DYRK1A: variants seen among roughly 807,000 people sequenced by gnomAD.
The protein encoded by DYRK1A is dual specificity tyrosine-phosphorylation-regulated kinase 1A.
DYRK1A carries 9 observed loss-of-function variants against 79.7 expected under a neutral mutation model. That is an observed-to-expected ratio of 0.11 (90% CI 0.07 to 0.20). The LOEUF (loss-of-function observed/expected upper bound fraction) is 0.20. DYRK1A is among the 10% of genes least tolerant of loss of function. The pLI, the probability that DYRK1A is intolerant of heterozygous loss-of-function variation, is 1.00. For synonymous variants in DYRK1A, 349 were observed against 329.7 expected, an observed-to-expected ratio of 1.06 and a Z score of -0.63; for missense variants, 622 against 956.0, an observed-to-expected ratio of 0.65 and a Z score of 4.61.
At chr21:37,385,357 C>G (rs1164823930) in intron 1 of DYRK1A, among the ~76,000 whole-genome samples, 4 of 152,076 alleles carry the variant, frequency 2.6e-5, no homozygotes, top group Non-Finnish European at 5.9e-5. Flanking sequence ...GAGACTTAAC[C>G]ACAGAAAGAT....
rs191845272 is a variant in DYRK1A, at chr21:37,449,039, T to C, written c.11-23645T>C. Among the ~76,000 whole-genome samples the C allele has an allele frequency of 8.7e-4, 132 of 152,296 alleles. 1 individual carries two copies. The highest frequency in any genetic ancestry group is 2.8e-3 in the African/African-American group (116 of 41,558). On this transcript the variant is annotated intron_variant, in intron 2 of 11. Transcript: ENST00000647188. ...TTGATTTGAAGAGTCATATCATTTT[T>C]CCCCTGCTTTACTTTTGTACCTCTT...
intron 2 of DYRK1A, among the ~76,000 whole-genome samples, chr21:37,428,607 A>T (rs1162961752): frequency 2.0e-5 from 3 of 152,130 alleles, no homozygotes; most frequent in Non-Finnish European, 1.5e-5. Flanking sequence ...TTTGAATTGT[A>T]GATTCAAAGT....
intron 2 of DYRK1A, among the ~76,000 whole-genome samples, chr21:37,435,799 GTGT>G (rs1363227271): frequency 6.6e-6 from 1 of 152,164 alleles, no homozygotes; most frequent in African/African-American, 2.4e-5. Context: ...TGTACTGCCT[GTGT>G]AGTCTAGCAA....
intron 9 of DYRK1A, among the ~76,000 whole-genome samples, chr21:37,500,685 G>T (rs917614441): frequency 1.3e-5 from 2 of 151,808 alleles, no homozygotes; most frequent in African/African-American, 2.4e-5. Context: ...GTTAGTTTTG[G>T]TAAGTTGTAT....
At position 37,424,861 on chromosome 21, in the gene DYRK1A, A is replaced by G. The variant is rs16995086; in HGVS notation, c.10+4477A>G. On this transcript the variant is annotated intron_variant, in intron 2 of 11. Transcript: ENST00000647188. ...GCAACTTTTCAGAAAGCTGTTTGGT[A>G]ATATGTACCACTCTGTACATTACAA... Among the ~76,000 whole-genome samples the G allele has an allele frequency of 9.2e-3, 1,399 of 152,310 alleles. 19 individuals are homozygous for G. Among genetic ancestry groups the G allele is most frequent in the African/African-American group, 0.032 (1,343 of 41,574 alleles).
At chr21:37,505,763 A>G (rs2053577778) in intron 10 of DYRK1A, among the ~76,000 whole-genome samples, 174 bp downstream of exon 10, 1 of 152,240 alleles carries the variant, frequency 6.6e-6, no homozygotes, top group Non-Finnish European at 1.5e-5. Flanking sequence ...TCCAATATTT[A>G]GTTACGCATG....
chr21:37,402,716 C>G (rs893511582), intron 1 of DYRK1A, among the ~76,000 whole-genome samples: 2 of 151,134 alleles, frequency 1.3e-5, no homozygotes, highest in Admixed American at 6.6e-5. Context: ...TTTCTTTAGT[C>G]TTTTTTCTCT....
At chr21:37,511,805 C>T in intron 11 of DYRK1A, 106 bp from the exon 12 acceptor site, 1 of 1,325,714 alleles carries the variant, frequency 7.5e-7, no homozygotes. Flanking sequence ...AAACCGTTTC[C>T]CCCTGATTAA....
In DYRK1A at chr21:37,520,311, T is replaced by G. The variant is rs1290178335; in HGVS notation, c.*7780T>G. On this transcript the variant is annotated 3_prime_UTR_variant, in exon 12 of 12. Transcript: ENST00000647188. ...TAGGAAGAGATGAGGGTGACAGAAATCAGCTCTTAAGTTTATAAATAAAAC... is the reference window on the plus strand; with the variant it reads ...TAGGAAGAGATGAGGGTGACAGAAAGCAGCTCTTAAGTTTATAAATAAAAC... 1 of 150,906 alleles carries G rather than the reference T, an allele frequency of 6.6e-6. No homozygotes were observed. Among genetic ancestry groups the G allele is most frequent in the African/African-American group, 2.5e-5 (1 of 40,502 alleles). 9.3% of individuals were successfully genotyped at this position (150,906 alleles called of 1,614,324 possible).
Position 37,523,913 on chromosome 21 carries a change from T to G in DYRK1A, c.*11382T>G, listed in dbSNP as rs2053951781. ...TGAGAATATGTGGCATTCTCATCAT[T>G]TTGCCCTGCCGCTCTGTGCAATGTA... On this transcript the variant is annotated 3_prime_UTR_variant, in exon 12 of 12. Transcript: ENST00000647188. 6.6e-6 allele frequency: 1 copy of G among 152,198 alleles called. No individual in the cohort carries two copies. Among genetic ancestry groups the G allele is most frequent in the South Asian group, 2.1e-4 (1 of 4,822 alleles). The allele number at this position is 152,198 out of a possible 1,614,324, so 9.4% of individuals were successfully genotyped here.
chr21:37,417,529 C>CTTTTTTTTTTTTTTTTTTTTTTT (rs3216074), intron 1 of DYRK1A, among the ~76,000 whole-genome samples: 1 of 44,046 alleles, frequency 2.3e-5, no homozygotes, highest in African/African-American at 1.0e-4. Flanking sequence ...TTTTCTTTTT[C>CTTTTTTTTTTTTTTTTTTTTTTT]TTTTTTTTTT....
chr21:37,367,744 G>A (rs1231685569), intron 1 of DYRK1A, 116 bp downstream of exon 1: 1 of 147,768 alleles, frequency 6.8e-6, no homozygotes, highest in East Asian at 2.1e-4. Context: ...GCCATTTTAG[G>A]AGGAGGCGCC....
intron 3 of DYRK1A, among the ~76,000 whole-genome samples, chr21:37,477,942 A>G (rs952552611): frequency 1.2e-4 from 18 of 152,172 alleles, no homozygotes; most frequent in African/African-American, 4.1e-4. Flanking sequence ...CTGCATTTCT[A>G]CCACTTTAAA....
Position 37,525,980 on chromosome 21 carries a change from A to G in DYRK1A, c.*13449A>G, listed in dbSNP as rs1317149406. ...AGTGTTTCTTAAGGAATTCAGCCTA[A>G]ACCACAAGATAAAAACAGTGTTTAT... is the stretch of plus-strand genomic sequence containing the variant. On this transcript the variant is annotated 3_prime_UTR_variant, in exon 12 of 12. Coordinates refer to ENST00000647188, the MANE Select transcript of DYRK1A (RefSeq NM_001347721.2). The G allele has an allele frequency of 6.6e-6, 1 of 152,222 alleles. No individual in the cohort carries two copies. The highest frequency in any genetic ancestry group is 2.4e-5 in the African/African-American group (1 of 41,452). 9.4% of individuals were successfully genotyped at this position (152,222 alleles called of 1,614,324 possible). A position where few individuals can be genotyped will look rare whatever the true frequency, so the allele number is the denominator to read the frequency against.
intron 2 of DYRK1A, among the ~76,000 whole-genome samples, chr21:37,438,590 C>G (rs1196884610): frequency 6.6e-6 from 1 of 152,160 alleles, no homozygotes; most frequent in Non-Finnish European, 1.5e-5. Context: ...ACTGTCCTTT[C>G]TCCACTGAAT....
chr21:37,461,592 A>T (rs1028288900), intron 2 of DYRK1A, among the ~76,000 whole-genome samples: 1 of 152,064 alleles, frequency 6.6e-6, no homozygotes, highest in Non-Finnish European at 1.5e-5. Context: ...TTTCACTTTC[A>T]TGGGTCTGAA....
intron 2 of DYRK1A, among the ~76,000 whole-genome samples, chr21:37,427,890 T>C (rs1197979469): frequency 6.6e-6 from 1 of 152,216 alleles, no homozygotes; most frequent in Non-Finnish European, 1.5e-5. Flanking sequence ...TCATGTTTTT[T>C]GTGAGTTTCC....
chr21:37,457,064 ATTTATTTAT>A (rs2051675103), intron 2 of DYRK1A, among the ~76,000 whole-genome samples: 1 of 149,900 alleles, frequency 6.7e-6, no homozygotes. Flanking sequence ...TTATTTATTT[ATTTATTTAT>A]TTATTTATTT....
At chr21:37,455,428 A>G (rs928764) in intron 2 of DYRK1A, among the ~76,000 whole-genome samples, 56,637 of 152,002 alleles carry the variant, frequency 0.37, 11,737 homozygotes, top group African/African-American at 0.56. Context: ...AATTTTAAAT[A>G]ATGGTACATT....
Sources: allele counts gnomAD v4.1 joint callset (sites outside exome capture counted in the v4.1 genomes callset), GRCh38; gene constraint gnomAD v4.1.1; transcripts MANE v1.5; gene names NCBI Gene and HGNC (gene_info 2026-07-23, HGNC 2026-07-21).